CRLS1: variants seen among roughly 807,000 people sequenced by gnomAD.
CRLS1 encodes the protein cardiolipin synthase 1.
CRLS1 carries 24 observed loss-of-function variants against 37.0 expected under a neutral mutation model. The ratio of observed to expected loss-of-function variants is 0.65; its 90% confidence interval spans 0.47 to 0.91. The LOEUF (loss-of-function observed/expected upper bound fraction) is 0.91, where lower values mean the gene tolerates loss of function less well. Ranked by LOEUF, CRLS1 falls within the 40% of genes least tolerant of loss-of-function variation. The pLI is 0.00. For missense variants in CRLS1, 373 were observed against 395.8 expected (o/e 0.94, Z 0.49); for synonymous variants, 135 against 159.7 (o/e 0.85, Z 1.17).
intron 2 of CRLS1, among the ~76,000 whole-genome samples, chr20:6,013,248 T>C (rs1978478608): frequency 6.9e-6 from 1 of 144,596 alleles, no homozygotes. Context: ...TTGAGATAAA[T>C]CTCGTGTTGC....
chr20:6,011,572 CTTTTTTTTTTTTTTTTTTTT>C lies in CRLS1; in HGVS notation c.444+1675_444+1694del, dbSNP rs559511975. ...TCTTTCTCCTTTTCTTTTGTCCCTG[CTTTTTTTTTTTTTTTTTTTT>C]TTTTTTTTTTTTTTGGGGAGACTGA... On this transcript the variant is annotated intron_variant, in intron 2 of 6. Coordinates refer to ENST00000378863, the MANE Select transcript of CRLS1 (RefSeq NM_019095.6). Among the ~76,000 whole-genome samples the C allele has an allele frequency of 2.9e-4, 8 of 27,854 alleles. 1 individual carries two copies. In the East Asian group the frequency reaches 5.0e-3, roughly 17 times the overall value. The allele number at this position is 27,854 out of a possible 152,430, so 18.3% of individuals were successfully genotyped here. A position where few individuals can be genotyped will look rare whatever the true frequency, so the allele number is the denominator to read the frequency against.
chr20:6,032,002 C>T lies in CRLS1; in HGVS notation c.661-10C>T, dbSNP rs1413082986. The T allele has an allele frequency of 6.2e-7, 1 of 1,603,448 alleles. No individual in the cohort carries two copies. The highest frequency in any genetic ancestry group is 8.5e-7 in the Non-Finnish European group (1 of 1,173,226). On this transcript the variant is annotated splice_polypyrimidine_tract_variant and intron_variant, in intron 4 of 6. Transcript: ENST00000378863. ...AGTTAATTACTTTATCTTTTTTGGT[C>T]CTCTGCCAGCGAACACTTGCCAAGT...
intron 1 of CRLS1, 97 bp from the exon 2 acceptor site, chr20:6,009,678 G>A: frequency 1.1e-6 from 1 of 901,776 alleles, no homozygotes. Context: ...GCTTCTGACT[G>A]AAGTTGATGA....
chr20:6,034,654 GACTGGGTA>G (rs1257392293), intron 6 of CRLS1, 99 bp downstream of exon 6: 1 of 848,768 alleles, frequency 1.2e-6, no homozygotes, highest in Non-Finnish European at 1.9e-6. Context: ...GTTGAGCACT[GACTGGGTA>G]AAGCTGTGGC....
intron 3 of CRLS1, among the ~76,000 whole-genome samples, chr20:6,019,230 C>T (rs1433929438): frequency 1.3e-5 from 2 of 152,056 alleles, no homozygotes; most frequent in African/African-American, 4.8e-5. Flanking sequence ...GTTTAAAGTA[C>T]ATCTTTTTTT....
At chr20:6,007,238 G>A in intron 1 of CRLS1, 4 of 1,505,184 alleles carry the variant, frequency 2.7e-6, no homozygotes, top group Non-Finnish European at 3.6e-6. Flanking sequence ...AGTGGCCCCT[G>A]TACTGCTTTC....
At chr20:6,009,674 G>T in intron 1 of CRLS1, 101 bp from the exon 2 acceptor site, 2 of 887,722 alleles carry the variant, frequency 2.3e-6, no homozygotes, top group South Asian at 2.3e-5. Context: ...TGTAGCTTCT[G>T]ACTGAAGTTG....
At chr20:6,022,925 G>A (rs1481938680) in intron 3 of CRLS1, among the ~76,000 whole-genome samples, 1 of 151,808 alleles carries the variant, frequency 6.6e-6, no homozygotes, top group African/African-American at 2.4e-5. Flanking sequence ...CATCTCAGTG[G>A]GTTTTTTCTG....
At position 6,034,473 on chromosome 20, in the gene CRLS1, G is replaced by T; in HGVS notation, c.739G>T (p.Ala247Ser). 6.2e-7 allele frequency: 1 copy of T among 1,611,564 alleles called. No homozygotes were observed. Among genetic ancestry groups the T allele is most frequent in the Non-Finnish European group, 8.5e-7 (1 of 1,179,074 alleles). The change falls in exon 6 of 7, where the codon GCA (alanine) becomes TCA (serine). Residue 247 changes from alanine to serine, a missense_variant. Transcript: ENST00000378863. ...KPTFISKVNTAVQLILVAASL... is the reference protein window; with the variant it reads ...KPTFISKVNTSVQLILVAASL... ...TTCTTTTTTTATTTAGGTGAATACA[G>T]CAGTCCAGTTAATCTTGGTGGCAGC...
intron 5 of CRLS1, 112 bp from the exon 6 acceptor site, chr20:6,034,352 C>A: frequency 1.5e-6 from 1 of 679,958 alleles, no homozygotes. Context: ...GAACAGCAAG[C>A]ATGCTGAGGG....
At chr20:6,006,590 C>T (rs1381488008) in intron 1 of CRLS1, 38 bp downstream of exon 1, 1 of 1,249,462 alleles carries the variant, frequency 8.0e-7, no homozygotes, top group African/African-American at 1.6e-5. Context: ...CGGCCCTGGG[C>T]TGGGGTCGCC....
At chr20:6,009,626 T>G in intron 1 of CRLS1, 149 bp from the exon 2 acceptor site, 1 of 611,080 alleles carries the variant, frequency 1.6e-6, no homozygotes. Flanking sequence ...ACAGAATGGA[T>G]TTTAAAATTC....
chr20:6,023,924 A>G (rs1301800547), intron 3 of CRLS1, among the ~76,000 whole-genome samples: 2 of 150,374 alleles, frequency 1.3e-5, no homozygotes, highest in African/African-American at 4.9e-5. Context: ...CATTTTTCTA[A>G]CATATGTGCT....
intron 3 of CRLS1, among the ~76,000 whole-genome samples, chr20:6,017,305 T>G (rs1023425441): frequency 4.6e-5 from 7 of 152,366 alleles, no homozygotes; most frequent in Middle Eastern, 3.4e-3. Flanking sequence ...CTCTTATCAT[T>G]TGGATACCTT....
intron 3 of CRLS1, among the ~76,000 whole-genome samples, chr20:6,024,297 C>T (rs879791066): frequency 5.9e-5 from 9 of 152,112 alleles, no homozygotes; most frequent in East Asian, 3.8e-4. Context: ...TTCCAGATTT[C>T]GTCATTATTA....
intron 1 of CRLS1, among the ~76,000 whole-genome samples, chr20:6,009,151 C>T (rs1431852282): frequency 2.0e-5 from 3 of 152,060 alleles, no homozygotes; most frequent in African/African-American, 7.2e-5. Flanking sequence ...AGTGAAACCC[C>T]ATCTCTACTA....
chr20:6,037,684 T>C lies in CRLS1; in HGVS notation c.*526T>C, dbSNP rs1980660851. On this transcript the variant is annotated 3_prime_UTR_variant, in exon 7 of 7. Transcript: ENST00000378863. Reference sequence around the variant, plus strand: ...GAAGTTAGTTGTAGATGAAGTAAAGTTATAAAAGAGATTAAAAATGCGGTA... The same window carrying C: ...GAAGTTAGTTGTAGATGAAGTAAAGCTATAAAAGAGATTAAAAATGCGGTA... The C allele has an allele frequency of 6.6e-6, 1 of 152,198 alleles. No homozygotes were observed. The highest frequency in any genetic ancestry group is 2.1e-4 in the South Asian group (1 of 4,816). 9.4% of individuals were successfully genotyped at this position (152,198 alleles called of 1,614,324 possible).
chr20:6,016,832 GC>G (rs1978796113), intron 3 of CRLS1, among the ~76,000 whole-genome samples: 1 of 152,030 alleles, frequency 6.6e-6, no homozygotes, highest in African/African-American at 2.4e-5. Context: ...GTCTTCCTTT[GC>G]TTTAAGTTAC....
chr20:6,021,154 C>T (rs913981831), intron 3 of CRLS1, among the ~76,000 whole-genome samples: 1 of 151,198 alleles, frequency 6.6e-6, no homozygotes, highest in Non-Finnish European at 1.5e-5. Context: ...GCAGCCTCTG[C>T]CACCTGGGTC....
Sources: allele counts gnomAD v4.1 joint callset (sites outside exome capture counted in the v4.1 genomes callset), GRCh38; gene constraint gnomAD v4.1.1; transcripts MANE v1.5; gene names NCBI Gene and HGNC (gene_info 2026-07-23, HGNC 2026-07-21).